Variants in ZNF804B observed in about 807,000 individuals in gnomAD.
The protein encoded by ZNF804B is zinc finger protein 804B, also known as zinc finger 804B.
A neutral mutation model predicts 101.4 loss-of-function variants in ZNF804B; 80 were observed. The ratio of observed to expected loss-of-function variants is 0.79; its 90% CI spans 0.66 to 0.95. The LOEUF (loss-of-function observed/expected upper bound fraction) is 0.95. Ranked by LOEUF, ZNF804B falls within the 40% of genes least tolerant of loss-of-function variation. The pLI is 0.00. For missense variants in ZNF804B, 1,673 were observed against 1,561.9 expected (o/e 1.07, Z -1.20); for synonymous variants, 622 against 558.8 (o/e 1.11, Z -1.59).
Position 89,328,861 on chromosome 7 carries a change from T to C in ZNF804B, c.380+1387T>C, listed in dbSNP as rs138674743. ...TTTGTTATTATGAAAGTTGTCACACTTCTACATTTCTGCTTACCCATTCTA... is the reference window on the plus strand; with the variant it reads ...TTTGTTATTATGAAAGTTGTCACACCTCTACATTTCTGCTTACCCATTCTA... On this transcript the variant is annotated intron_variant, in intron 3 of 3. Transcript: ENST00000333190. 5.9e-3 allele frequency among the ~76,000 whole-genome samples: 900 copies of C among 151,970 alleles called. 10 individuals carry two copies. Among genetic ancestry groups the C allele is most frequent in the African/African-American group, 0.02 (842 of 41,528 alleles).
chr7:88,880,822 TCTTC>T (rs1376493715), intron 1 of ZNF804B, among the ~76,000 whole-genome samples: 2 of 152,140 alleles, frequency 1.3e-5, no homozygotes, highest in African/African-American at 2.4e-5. Context: ...GCTTCTTTTG[TCTTC>T]CTTTCATGTA....
At chr7:89,193,685 G>A (rs576821326) in intron 1 of ZNF804B, among the ~76,000 whole-genome samples, 2 of 152,120 alleles carry the variant, frequency 1.3e-5, no homozygotes, top group Non-Finnish European at 2.9e-5. Flanking sequence ...GTGTATATGT[G>A]CCACGTTTTC....
intron 1 of ZNF804B, among the ~76,000 whole-genome samples, chr7:89,092,120 C>G (rs1486510586): frequency 6.6e-6 from 1 of 151,772 alleles, no homozygotes; most frequent in African/African-American, 2.4e-5. Context: ...CATGTGGTGT[C>G]TGGTGAGGGC....
chr7:88,790,281 T>C (rs1386277330), intron 1 of ZNF804B, among the ~76,000 whole-genome samples: 1 of 152,168 alleles, frequency 6.6e-6, no homozygotes, highest in African/African-American at 2.4e-5. Flanking sequence ...AAATATTTTA[T>C]TTGAAGTTCC....
chr7:88,864,136 C>A (rs1471500921), intron 1 of ZNF804B, among the ~76,000 whole-genome samples: 1 of 152,140 alleles, frequency 6.6e-6, no homozygotes, highest in Admixed American at 6.5e-5. Flanking sequence ...TTTTTCTTAA[C>A]ATGTGGAACA....
intron 1 of ZNF804B, among the ~76,000 whole-genome samples, chr7:88,923,225 C>T (rs1376677317): frequency 2.6e-5 from 4 of 152,028 alleles, no homozygotes; most frequent in Non-Finnish European, 4.4e-5. Flanking sequence ...CTTAATTGTA[C>T]ATAAGAGCTC....
At position 88,771,415 on chromosome 7, in the gene ZNF804B, C is replaced by T. The variant is rs140839453; in HGVS notation, c.108+11331C>T. ...ATATGTGTACAGCTTTTTGATGCCA[C>T]GAATGTGAACAGAGAACAGTATAGG... On this transcript the variant is annotated intron_variant, in intron 1 of 3. Coordinates refer to ENST00000333190, the MANE Select transcript of ZNF804B (RefSeq NM_181646.5). Among the ~76,000 whole-genome samples the T allele has an allele frequency of 1.3e-3, 201 of 151,800 alleles. 2 individuals carry two copies. The highest frequency in any genetic ancestry group is 3.7e-4 in the Non-Finnish European group (25 of 67,920).
intron 1 of ZNF804B, among the ~76,000 whole-genome samples, chr7:88,809,548 A>G (rs1336577109): frequency 6.6e-6 from 1 of 152,180 alleles, no homozygotes; most frequent in Non-Finnish European, 1.5e-5. Context: ...TATACTATTA[A>G]AATATGCTAG....
At chr7:88,914,792 ATATT>A (rs1408928893) in intron 1 of ZNF804B, among the ~76,000 whole-genome samples, 4 of 152,194 alleles carry the variant, frequency 2.6e-5, no homozygotes, top group African/African-American at 9.6e-5. Context: ...TGTAGAAAGG[ATATT>A]TATTATTTTG....
chr7:88,886,053 T>C (rs1048110865), intron 1 of ZNF804B, among the ~76,000 whole-genome samples: 1 of 152,124 alleles, frequency 6.6e-6, no homozygotes, highest in Admixed American at 6.5e-5. Context: ...TAACCACAAA[T>C]ATATATCTTA....
At chr7:89,223,720 G>T (rs1384953397) in intron 2 of ZNF804B, among the ~76,000 whole-genome samples, 1 of 151,354 alleles carries the variant, frequency 6.6e-6, no homozygotes, top group African/African-American at 2.4e-5. Flanking sequence ...AGTATTATTT[G>T]TAGAGAAAGG....
At chr7:89,284,069 A>G (rs879909918) in intron 2 of ZNF804B, among the ~76,000 whole-genome samples, 1 of 152,230 alleles carries the variant, frequency 6.6e-6, no homozygotes, top group Non-Finnish European at 1.5e-5. Flanking sequence ...CACACAGACC[A>G]TACATAGCCC....
intron 1 of ZNF804B, among the ~76,000 whole-genome samples, chr7:88,783,559 T>A (rs1195212583): frequency 1.3e-5 from 2 of 152,168 alleles, no homozygotes; most frequent in Non-Finnish European, 2.9e-5. Flanking sequence ...GAGATGCTGA[T>A]CATTGTCGAA....
chr7:89,250,418 T>C (rs1789520488), intron 2 of ZNF804B, among the ~76,000 whole-genome samples: 1 of 152,078 alleles, frequency 6.6e-6, no homozygotes, highest in South Asian at 2.1e-4. Flanking sequence ...ACCAATATCA[T>C]GTTCTGAAAT....
At chr7:89,169,575 G>T (rs12704443) in intron 1 of ZNF804B, among the ~76,000 whole-genome samples, 61,807 of 151,840 alleles carry the variant, frequency 0.41, 13,158 homozygotes, top group Non-Finnish European at 0.47. Context: ...TCTCTCAATA[G>T]GAATGTAAAA....
intron 1 of ZNF804B, among the ~76,000 whole-genome samples, chr7:88,951,887 A>G (rs896136329): frequency 6.6e-6 from 1 of 151,926 alleles, no homozygotes; most frequent in Non-Finnish European, 1.5e-5. Context: ...TTTAAAATAT[A>G]TAAACACTAA....
chr7:88,917,122 G>A (rs991526190), intron 1 of ZNF804B, among the ~76,000 whole-genome samples: 19 of 151,992 alleles, frequency 1.3e-4, no homozygotes, highest in Admixed American at 7.9e-4. Flanking sequence ...AAAATTAGCC[G>A]GATGTGGTGG....
At chr7:89,266,135 C>A (rs1255438448) in intron 2 of ZNF804B, among the ~76,000 whole-genome samples, 3 of 152,210 alleles carry the variant, frequency 2.0e-5, no homozygotes, top group East Asian at 1.9e-4. Context: ...ACCTCCAGAA[C>A]AGGGCCATTT....
chr7:89,309,627 G>T lies in ZNF804B; in HGVS notation c.250-17717G>T, dbSNP rs557808722. On this transcript the variant is annotated intron_variant, in intron 2 of 3. Coordinates refer to ENST00000333190, the MANE Select transcript of ZNF804B (RefSeq NM_181646.5). ...ATACAAAAATTAGTCGGGTGTGGTG[G>T]CACACACCTGTAGTCCCAGCTACTT... Among the ~76,000 whole-genome samples, 88 of 151,672 alleles carry T rather than the reference G, an allele frequency of 5.8e-4. 1 individual carries two copies. The highest frequency in any genetic ancestry group is 2.1e-3 in the African/African-American group (85 of 41,328).
Sources: gnomAD v4.1 joint callset for allele counts (sites outside exome capture counted in the v4.1 genomes callset) on GRCh38, gnomAD v4.1.1 for gene constraint, MANE v1.5 for transcripts, NCBI Gene and HGNC (gene_info 2026-07-23, HGNC 2026-07-21) for gene names.